Variants in ATRNL1 observed in about 807,000 individuals in gnomAD.
The protein encoded by ATRNL1 is attractin like 1, also known as attractin-like protein 1.
A neutral mutation model predicts 182.7 loss-of-function variants in ATRNL1; 95 were observed. The observed-to-expected ratio is 0.52, with a 90% CI of 0.44 to 0.62. The LOEUF (loss-of-function observed/expected upper bound fraction) is 0.62. Ranked by LOEUF, ATRNL1 falls within the 20% of genes least tolerant of loss-of-function variation. The probability of loss-of-function intolerance (pLI) is 0.00; values close to 1 mark genes in which losing one functional copy is unlikely to be tolerated. For missense variants in ATRNL1, 1,471 were observed against 1,679.5 expected (o/e 0.88, Z 2.17); for synonymous variants, 576 against 568.3 (o/e 1.01, Z -0.19).
At chr10:115,499,660 G>T (rs1554979492) in intron 24 of ATRNL1, among the ~76,000 whole-genome samples, 1 of 152,230 alleles carries the variant, frequency 6.6e-6, no homozygotes, top group Admixed American at 6.5e-5. Context: ...GAAGGAGGGA[G>T]AGGGTTCTAG....
At chr10:115,127,745 T>C in intron 4 of ATRNL1, 24 bp downstream of exon 4, 1 of 1,345,648 alleles carries the variant, frequency 7.4e-7, no homozygotes, top group Non-Finnish European at 9.8e-7. Flanking sequence ...AAAAATTCCT[T>C]CTTTTAATGA....
chr10:115,652,640 A>G (rs1279882298), intron 26 of ATRNL1, among the ~76,000 whole-genome samples: 1 of 152,094 alleles, frequency 6.6e-6, no homozygotes, highest in African/African-American at 2.4e-5. Context: ...AGCACCTTAA[A>G]GAAGCAGTAT....
At chr10:115,340,013 G>T (rs887640760) in intron 19 of ATRNL1, among the ~76,000 whole-genome samples, 1 of 152,118 alleles carries the variant, frequency 6.6e-6, no homozygotes, top group East Asian at 1.9e-4. Context: ...GGACTGATTT[G>T]CATATGTTGA....
At chr10:115,654,766 A>T (rs1003131874) in intron 26 of ATRNL1, among the ~76,000 whole-genome samples, 5 of 152,164 alleles carry the variant, frequency 3.3e-5, no homozygotes, top group African/African-American at 9.7e-5. Flanking sequence ...TAAGATGACC[A>T]CAAATTCTTT....
chr10:115,424,566 GTCA>G (rs1340913012), intron 20 of ATRNL1, among the ~76,000 whole-genome samples: 3 of 152,222 alleles, frequency 2.0e-5, no homozygotes, highest in African/African-American at 7.2e-5. Flanking sequence ...ATAAAAATAT[GTCA>G]TATATTTTTG....
At chr10:115,906,908 C>T (rs1162675084) in intron 28 of ATRNL1, among the ~76,000 whole-genome samples, 2 of 152,078 alleles carry the variant, frequency 1.3e-5, no homozygotes, top group African/African-American at 4.8e-5. Context: ...TTTATAATCC[C>T]CTGAGGTTGG....
intron 19 of ATRNL1, among the ~76,000 whole-genome samples, chr10:115,368,187 C>T (rs572085687): frequency 1.4e-4 from 22 of 152,334 alleles, no homozygotes; most frequent in Non-Finnish European, 2.4e-4. Flanking sequence ...ACTCCGTGGG[C>T]GTAGGACCCT....
intron 28 of ATRNL1, among the ~76,000 whole-genome samples, chr10:115,925,552 G>A (rs1231358556): frequency 1.3e-5 from 2 of 151,620 alleles, no homozygotes; most frequent in African/African-American, 2.4e-5. Flanking sequence ...TCAAAATAAA[G>A]TCATGCAGGA....
At chr10:115,489,485 T>G (rs1037911288) in intron 24 of ATRNL1, among the ~76,000 whole-genome samples, 4 of 152,226 alleles carry the variant, frequency 2.6e-5, no homozygotes, top group Non-Finnish European at 5.9e-5. Context: ...TGTAATGGCC[T>G]TCTTTGTCTC....
intron 20 of ATRNL1, among the ~76,000 whole-genome samples, chr10:115,396,340 C>T (rs1332326384): frequency 2.0e-5 from 3 of 151,888 alleles, no homozygotes; most frequent in Admixed American, 6.6e-5. Flanking sequence ...CTTTGCAACA[C>T]TAAAGCTTGA....
chr10:115,419,924 A>T (rs1554961629), intron 20 of ATRNL1, among the ~76,000 whole-genome samples: 1 of 152,224 alleles, frequency 6.6e-6, no homozygotes, highest in African/African-American at 2.4e-5. Flanking sequence ...AATGGACCTA[A>T]CAGACATTTA....
At chr10:115,585,266 T>C (rs10885740) in intron 26 of ATRNL1, among the ~76,000 whole-genome samples, 41,292 of 70,034 alleles carry the variant, frequency 0.59, 13,884 homozygotes, top group East Asian at 0.86. Flanking sequence ...CTATTAGGTC[T>C]GCTTGGTGCA....
chr10:115,171,330 G>C, intron 8 of ATRNL1, 38 bp downstream of exon 8: 1 of 1,486,634 alleles, frequency 6.7e-7, no homozygotes, highest in Non-Finnish European at 9.1e-7. Flanking sequence ...TTATTGATTG[G>C]GAATGTTTTT....
At chr10:115,438,032 T>G (rs1237240358) in intron 21 of ATRNL1, among the ~76,000 whole-genome samples, 1 of 151,986 alleles carries the variant, frequency 6.6e-6, no homozygotes, top group East Asian at 1.9e-4. Flanking sequence ...AAATTAAAAC[T>G]GAAACGCAAT....
chr10:115,373,855 T>G (rs1554948762), intron 19 of ATRNL1, among the ~76,000 whole-genome samples: 2 of 151,906 alleles, frequency 1.3e-5, no homozygotes, highest in Non-Finnish European at 2.9e-5. Flanking sequence ...TTTTCTGGCT[T>G]TAGGGTTAGG....
chr10:115,491,251 C>T (rs1400098923), intron 24 of ATRNL1, among the ~76,000 whole-genome samples: 2 of 152,138 alleles, frequency 1.3e-5, no homozygotes, highest in African/African-American at 4.8e-5. Flanking sequence ...CCGTCTGTTC[C>T]TTATCAGAGC....
At chr10:115,689,081 G>C (rs1436181978) in intron 26 of ATRNL1, among the ~76,000 whole-genome samples, 1 of 152,012 alleles carries the variant, frequency 6.6e-6, no homozygotes, top group African/African-American at 2.4e-5. Flanking sequence ...GTATGTTCTT[G>C]GTAGCTTTGT....
Position 115,650,379 on chromosome 10 carries a change from A to G in ATRNL1, c.3796-76869A>G, listed in dbSNP as rs56069649. 1.0e-2 allele frequency among the ~76,000 whole-genome samples: 1,503 copies of G among 150,966 alleles called. 19 individuals are homozygous for G. The highest frequency in any genetic ancestry group is 0.034 in the African/African-American group (1,422 of 41,236). The stretch of plus-strand genomic sequence containing the variant: ...TTGTTTATCTTATATTGTTTATCTG[A>G]TTTATATATAAATAAAATTTTATTG... On this transcript the variant is annotated intron_variant, in intron 26 of 28. Transcript: ENST00000355044.
At chr10:115,261,977 G>A (rs1851412622) in intron 10 of ATRNL1, among the ~76,000 whole-genome samples, 1 of 152,100 alleles carries the variant, frequency 6.6e-6, no homozygotes, top group African/African-American at 2.4e-5. Flanking sequence ...GTAAGTCTGT[G>A]TAAGAGCTTA....
Sources: allele counts gnomAD v4.1 joint callset (sites outside exome capture counted in the v4.1 genomes callset), GRCh38; gene constraint gnomAD v4.1.1; transcripts MANE v1.5; gene names NCBI Gene and HGNC (gene_info 2026-07-23, HGNC 2026-07-21).